MAGI2: variants seen among roughly 807,000 people sequenced by gnomAD.
MAGI2 encodes membrane associated guanylate kinase, WW and PDZ domain containing 2, also known as membrane-associated guanylate kinase, WW and PDZ domain-containing protein 2.
In MAGI2, 35 loss-of-function variants were observed where a neutral mutation model predicts 133.3. The observed-to-expected ratio is 0.26, with a 90% CI of 0.20 to 0.35. The LOEUF is 0.35. Ranked by LOEUF, MAGI2 falls within the 10% of genes least tolerant of loss-of-function variation. The pLI, the probability that MAGI2 is intolerant of heterozygous loss-of-function variation, is 1.00. For missense variants in MAGI2, 1,636 were observed against 1,863.4 expected, an observed-to-expected ratio of 0.88 and a Z score of 2.25; for synonymous variants, 729 against 710.6, an observed-to-expected ratio of 1.03 and a Z score of -0.41.
chr7:78,856,866 G>C (rs1793691406), intron 2 of MAGI2, among the ~76,000 whole-genome samples: 1 of 152,140 alleles, frequency 6.6e-6, no homozygotes, highest in South Asian at 2.1e-4. Flanking sequence ...TCACAATATT[G>C]ATCCTTCCTA....
intron 1 of MAGI2, among the ~76,000 whole-genome samples, chr7:79,201,837 G>T (rs1828641996): frequency 6.6e-6 from 1 of 151,902 alleles, no homozygotes; most frequent in Non-Finnish European, 1.5e-5. Context: ...GTTTGGATTT[G>T]TTGTAAATTT....
intron 2 of MAGI2, among the ~76,000 whole-genome samples, chr7:78,726,562 A>G (rs1328510979): frequency 6.6e-6 from 1 of 152,226 alleles, no homozygotes; most frequent in Non-Finnish European, 1.5e-5. Flanking sequence ...GATAAAAGAT[A>G]GAAGGGCAAG....
intron 3 of MAGI2, among the ~76,000 whole-genome samples, chr7:78,539,910 C>T (rs1159713355): frequency 1.3e-5 from 2 of 152,172 alleles, no homozygotes; most frequent in African/African-American, 4.8e-5. Flanking sequence ...CTCAGGGCCT[C>T]GGGTTCGCCA....
intron 1 of MAGI2, among the ~76,000 whole-genome samples, chr7:79,272,318 A>T (rs553825429): frequency 2.6e-5 from 4 of 152,116 alleles, no homozygotes; most frequent in Non-Finnish European, 5.9e-5. Context: ...ACTAAATGGC[A>T]CAGTCTTTAG....
chr7:78,591,811 A>G (rs928044450), intron 3 of MAGI2, among the ~76,000 whole-genome samples: 2 of 152,236 alleles, frequency 1.3e-5, no homozygotes, highest in Non-Finnish European at 2.9e-5. Context: ...CTTTTCACAA[A>G]AACCTAAAAC....
chr7:79,443,285 C>CGTGTGTGTGTGTGTGT, intron 1 of MAGI2, among the ~76,000 whole-genome samples: 1 of 139,430 alleles, frequency 7.2e-6, no homozygotes, highest in African/African-American at 2.8e-5. Context: ...TGTGTGTGTG[C>CGTGTGTGTGTGTGTGT]GTGTGTGTGT....
intron 21 of MAGI2, among the ~76,000 whole-genome samples, chr7:78,028,041 C>T (rs926551996): frequency 1.3e-5 from 2 of 152,198 alleles, no homozygotes; most frequent in African/African-American, 4.8e-5. Flanking sequence ...AGTCATTTGG[C>T]ATTCAAAAGA....
At chr7:78,949,328 CA>C (rs1196324094) in intron 2 of MAGI2, among the ~76,000 whole-genome samples, 1 of 152,028 alleles carries the variant, frequency 6.6e-6, no homozygotes, top group Non-Finnish European at 1.5e-5. Context: ...AATTACAAAC[CA>C]AAACACTGGC....
chr7:79,124,843 G>A, intron 1 of MAGI2: 1 of 185,350 alleles, frequency 5.4e-6, no homozygotes, highest in Non-Finnish European at 1.1e-5. Context: ...TTGAGCAATG[G>A]GGAATGCTCA....
chr7:78,310,206 G>A (rs1798582062), intron 9 of MAGI2, among the ~76,000 whole-genome samples: 2 of 152,082 alleles, frequency 1.3e-5, no homozygotes, highest in African/African-American at 4.8e-5. Flanking sequence ...AGAGGCAGAG[G>A]CGGGAGGATC....
intron 2 of MAGI2, among the ~76,000 whole-genome samples, chr7:78,728,540 C>CTTTTTT (rs71085560): frequency 1.2e-4 from 7 of 60,070 alleles, no homozygotes; most frequent in Non-Finnish European, 1.4e-4. Context: ...TTTCTCTGAT[C>CTTTTTT]TTTTTTTTTT....
At chr7:79,189,881 A>G (rs764312513) in intron 1 of MAGI2, among the ~76,000 whole-genome samples, 2 of 151,742 alleles carry the variant, frequency 1.3e-5, no homozygotes, top group African/African-American at 2.4e-5. Context: ...AAAGTATGCA[A>G]TCTTTTCAGA....
intron 1 of MAGI2, among the ~76,000 whole-genome samples, chr7:79,381,197 T>TTTGTTG (rs937079704): frequency 1.2e-4 from 18 of 151,802 alleles, no homozygotes; most frequent in African/African-American, 4.3e-4. Context: ...ATCTCCTTTT[T>TTTGTTG]TTGTTGTTGT....
chr7:78,742,675 A>G (rs1367293318), intron 2 of MAGI2, among the ~76,000 whole-genome samples: 2 of 152,310 alleles, frequency 1.3e-5, no homozygotes, highest in East Asian at 3.9e-4. Flanking sequence ...CCCTATCTCA[A>G]ATGTTCTTCT....
intron 1 of MAGI2, among the ~76,000 whole-genome samples, chr7:79,365,677 A>T (rs772969406): frequency 6.6e-6 from 1 of 151,800 alleles, no homozygotes; most frequent in Non-Finnish European, 1.5e-5. Flanking sequence ...GGCCAATATG[A>T]TGAAACCCTG....
intron 9 of MAGI2, among the ~76,000 whole-genome samples, chr7:78,271,430 C>G (rs1397135852): frequency 6.6e-6 from 1 of 152,100 alleles, no homozygotes; most frequent in Non-Finnish European, 1.5e-5. Flanking sequence ...TTGGTTGTGT[C>G]TCTGCCAGGT....
intron 20 of MAGI2, among the ~76,000 whole-genome samples, chr7:78,122,397 T>TA (rs200413222): frequency 3.3e-5 from 5 of 151,946 alleles, no homozygotes; most frequent in Admixed American, 3.3e-4. Context: ...GCTTTTCCTT[T>TA]AAAAAAAAGA....
intron 6 of MAGI2, among the ~76,000 whole-genome samples, chr7:78,407,251 T>C (rs1044422300): frequency 1.3e-5 from 2 of 152,028 alleles, no homozygotes; most frequent in African/African-American, 4.8e-5. Flanking sequence ...GTTCACAGGA[T>C]GCTCTACTCA....
chr7:79,118,260 G>T (rs1819578194), intron 1 of MAGI2, among the ~76,000 whole-genome samples: 1 of 152,098 alleles, frequency 6.6e-6, no homozygotes, highest in Non-Finnish European at 1.5e-5. Flanking sequence ...GCTACTATTT[G>T]GGTGTACACT....
Sources: gnomAD v4.1 joint callset for allele counts (sites outside exome capture counted in the v4.1 genomes callset) on GRCh38, gnomAD v4.1.1 for gene constraint, MANE v1.5 for transcripts, NCBI Gene and HGNC (gene_info 2026-07-23, HGNC 2026-07-21) for gene names.